Variants in HEG1 observed in about 807,000 individuals in gnomAD.
HEG1 encodes the protein protein HEG homolog 1.
A neutral mutation model predicts 125.6 loss-of-function variants in HEG1; 56 were observed. The observed-to-expected ratio is 0.45, with a 90% CI of 0.36 to 0.56. The LOEUF (loss-of-function observed/expected upper bound fraction) is 0.56. HEG1 is among the 20% of genes least tolerant of loss of function. The pLI is 0.00. For missense variants in HEG1, 1,523 were observed against 1,670.0 expected, an observed-to-expected ratio of 0.91 and a Z score of 1.53; for synonymous variants, 644 against 668.5, an observed-to-expected ratio of 0.96 and a Z score of 0.57.
chr3:124,985,067 A>G (rs1349295278), intron 14 of HEG1, among the ~76,000 whole-genome samples: 1 of 152,218 alleles, frequency 6.6e-6, no homozygotes, highest in East Asian at 1.9e-4. Context: ...TCTCTGGAAA[A>G]ATATATAATA....
In HEG1 at chr3:125,055,687, C is replaced by A; in HGVS notation, c.204G>T (p.Pro68=). 1 of 1,115,146 alleles carries A rather than the reference C, an allele frequency of 9.0e-7. No homozygotes were observed. Among genetic ancestry groups the A allele is most frequent in the Non-Finnish European group, 1.1e-6 (1 of 914,440 alleles). The allele number at this position is 1,115,146 out of a possible 1,614,324, so 69.1% of individuals were successfully genotyped here. A position where few individuals can be genotyped will look rare whatever the true frequency, so the allele number is the denominator to read the frequency against. Residue 68 remains proline, a synonymous_variant, in exon 1 of 17, where the codon CCG becomes CCT. Coordinates refer to ENST00000311127, the MANE Select transcript of HEG1 (RefSeq NM_020733.2). The stretch of plus-strand genomic sequence containing the variant: ...TCGCGGGCCCGCGGCGCTCCCGGGG[C>A]GGCGTGGGCGGCGGCTCGCGCTCCG... ...RRPEREPPPT[P]PRERRGPATP...
intron 1 of HEG1, among the ~76,000 whole-genome samples, chr3:125,046,412 C>G (rs890116443): frequency 5.5e-4 from 78 of 141,864 alleles, no homozygotes; most frequent in Middle Eastern, 3.4e-3. Context: ...CACACACACA[C>G]ACACACACAC....
At chr3:125,037,018 T>G (rs1937553702) in intron 1 of HEG1, among the ~76,000 whole-genome samples, 1 of 152,184 alleles carries the variant, frequency 6.6e-6, no homozygotes, top group South Asian at 2.1e-4. Context: ...ATCACAGAAT[T>G]GTTTATAATA....
intron 15 of HEG1, among the ~76,000 whole-genome samples, chr3:124,977,211 G>C (rs1397384968): frequency 6.6e-6 from 1 of 152,160 alleles, no homozygotes; most frequent in South Asian, 2.1e-4. Context: ...GGCTTCCCCA[G>C]CCACTTGGAA....
chr3:125,001,796 C>G, intron 11 of HEG1, 56 bp downstream of exon 11: 1 of 1,568,084 alleles, frequency 6.4e-7, no homozygotes, highest in South Asian at 1.2e-5. Context: ...GCATTTCCAT[C>G]TTAGGTCTGT....
chr3:124,976,371 G>A (rs762009783), intron 15 of HEG1, among the ~76,000 whole-genome samples: 4 of 152,052 alleles, frequency 2.6e-5, no homozygotes, highest in South Asian at 4.2e-4. Context: ...TATTTTTGGC[G>A]GAGACAGGGT....
chr3:124,988,866 G>A lies in HEG1; in HGVS notation c.3733+1921C>T, dbSNP rs148515515. ...CAGGAGGCGGAGGTTGCAGTGAGCC[G>A]AGATCGTGCCACTGAACTCCAGCCT... is the stretch of plus-strand genomic sequence containing the variant. On this transcript the variant is annotated intron_variant, in intron 14 of 16. Coordinates refer to ENST00000311127, the MANE Select transcript of HEG1 (RefSeq NM_020733.2). Among the ~76,000 whole-genome samples the A allele has an allele frequency of 9.5e-3, 1,449 of 152,282 alleles. 10 individuals are homozygous for A. Among genetic ancestry groups the A allele is most frequent in the Middle Eastern group, 0.02 (6 of 294 alleles).
At chr3:124,972,995 G>T (rs780496099) in intron 16 of HEG1, among the ~76,000 whole-genome samples, 44 of 149,020 alleles carry the variant, frequency 3.0e-4, no homozygotes, top group African/African-American at 6.2e-4. Context: ...TGGTTTTTTT[G>T]TTGTTGTTGT....
At chr3:124,973,107 TG>T (rs760368973) in intron 16 of HEG1, among the ~76,000 whole-genome samples, 9 of 151,914 alleles carry the variant, frequency 5.9e-5, no homozygotes, top group Non-Finnish European at 1.2e-4. Flanking sequence ...CTGCAACCTC[TG>T]CCTCCCCAAC....
At chr3:124,973,076 C>T (rs932303769) in intron 16 of HEG1, among the ~76,000 whole-genome samples, 9 of 151,678 alleles carry the variant, frequency 5.9e-5, no homozygotes, top group Non-Finnish European at 1.0e-4. Flanking sequence ...GGCTGGAGTA[C>T]AGTGGTGCAA....
rs1452704683 is a variant in HEG1 at position 125,010,493 on chromosome 3, G to A, written c.3019C>T (p.Arg1007Cys). The part of the protein sequence containing the change: ...NGECVADNTS[R>C]GYHCRCPPSW... The stretch of plus-strand genomic sequence containing the variant: ...GGCGGGCACCTGCAGTGGTAGCCAC[G>A]GCTGGTGTTGTCTGCGACGCATTCG... The change falls in exon 7 of 17, where the codon CGT becomes TGT. Residue 1007 changes from arginine to cysteine, a missense_variant. Physicochemically the swap from Arg to Cys is radical, Grantham distance 180 (BLOSUM62 -3). Transcript: ENST00000311127. 2.3e-5 allele frequency: 36 copies of A among 1,560,358 alleles called. No individual in the cohort carries two copies. The highest frequency in any genetic ancestry group is 9.5e-5 in the Admixed American group (5 of 52,360).
At chr3:125,001,461 G>A (rs902916231) in intron 11 of HEG1, among the ~76,000 whole-genome samples, 1 of 151,806 alleles carries the variant, frequency 6.6e-6, no homozygotes, top group Admixed American at 6.6e-5. Context: ...GGTTTTTTTG[G>A]GTCATTGACA....
Position 125,013,588 on chromosome 3 carries a change from G to C in HEG1, c.1991C>G (p.Ser664Cys), listed in dbSNP as rs777543386. The stretch of plus-strand genomic sequence containing the variant: ...TGAAGAAGAAGAAGAGGAGGAGGAG[G>C]AAGAGGAGGAGGAGGAGTCACTAAC... ...EFVSDSSSSS[S>C]SSSSSSSSGP... is the part of the protein sequence containing the mutation. The change falls in exon 6 of 17, where the codon TCC becomes TGC. Residue 664 changes from serine to cysteine, a missense_variant. Physicochemically the swap from Ser to Cys is moderately radical, Grantham distance 112 (BLOSUM62 -1). Transcript: ENST00000311127. 6.3e-7 allele frequency: 1 copy of C among 1,593,620 alleles called. No homozygotes were observed. Among genetic ancestry groups the C allele is most frequent in the Non-Finnish European group, 8.6e-7 (1 of 1,168,878 alleles).
In HEG1 at chr3:125,009,839, A is replaced by G. The variant is rs1560023932; in HGVS notation, c.3074-15T>C. On this transcript the variant is annotated splice_polypyrimidine_tract_variant and intron_variant, in intron 7 of 16. Coordinates refer to ENST00000311127, the MANE Select transcript of HEG1 (RefSeq NM_020733.2). ...CTCATTCACATCTGTAGAGGAGAAA[A>G]AAGAAGAACATCTTGCATCTGTAGC... is the stretch of plus-strand genomic sequence containing the variant. The G allele has an allele frequency of 6.2e-7, 1 of 1,604,392 alleles. No homozygotes were observed. Among genetic ancestry groups the G allele is most frequent in the Non-Finnish European group, 8.5e-7 (1 of 1,173,870 alleles).
rs74942386 is a variant in HEG1, at chr3:125,006,142, A to G, written c.3194-774T>C. Among the ~76,000 whole-genome samples, 1,291 of 152,324 alleles carry G rather than the reference A, an allele frequency of 8.5e-3. 13 individuals carry two copies. The highest frequency in any genetic ancestry group is 0.012 in the Non-Finnish European group (831 of 68,030). On this transcript the variant is annotated intron_variant, in intron 8 of 16. Coordinates refer to ENST00000311127, the MANE Select transcript of HEG1 (RefSeq NM_020733.2). Reference sequence around the variant, plus strand: ...GGGACTTGAGAGAAAGAAAGGTGCCAAGCATGTGTCGTGGGGCTATACTCC... The same window carrying G: ...GGGACTTGAGAGAAAGAAAGGTGCCGAGCATGTGTCGTGGGGCTATACTCC...
In HEG1 at chr3:124,973,813, T is replaced by A; in HGVS notation, c.3914A>T (p.Gln1305Leu). The A allele has an allele frequency of 6.2e-7, 1 of 1,613,928 alleles. No individual in the cohort carries two copies. ...YAEYPKNPRS[Q>L]EWGREAIEMH... ...TTCAATAGCTTCTCGGCCCCATTCT[T>A]GTGAGCGAGGATTTTTGGGGTATTC... Residue 1305 changes from glutamine to leucine, a missense_variant, in exon 16 of 17, where the codon CAA (glutamine) becomes CTA (leucine). By Grantham distance (113) the Gln-to-Leu change is moderately radical. Transcript: ENST00000311127.
chr3:125,033,777 G>A lies in HEG1; in HGVS notation c.317-4289C>T, dbSNP rs75719199. On this transcript the variant is annotated intron_variant, in intron 1 of 16. Coordinates refer to ENST00000311127, the MANE Select transcript of HEG1 (RefSeq NM_020733.2). The stretch of plus-strand genomic sequence containing the variant: ...GGCTGCACAGGAGGAGGTGAGCAGT[G>A]GGCGAGCGAGCATTACCGCCTCAGC... Among the ~76,000 whole-genome samples, 66 of 152,348 alleles carry A rather than the reference G, an allele frequency of 4.3e-4. No individual in the cohort carries two copies. The East Asian group carries it at 0.013, about 29-fold the overall frequency.
chr3:125,004,372 T>C (rs1320318350), intron 9 of HEG1, among the ~76,000 whole-genome samples: 1 of 152,198 alleles, frequency 6.6e-6, no homozygotes, highest in Non-Finnish European at 1.5e-5. Context: ...ACTCACTGTA[T>C]AGATGAGTCA....
chr3:124,999,706 C>A lies in HEG1; in HGVS notation c.3518-1883G>T, dbSNP rs115916637. On this transcript the variant is annotated intron_variant, in intron 11 of 16. Transcript: ENST00000311127. ...AAAGAATATTCTACCATAAATTCAT[C>A]CAATAGGACCACGTAGAATCCCATT... 1.3e-3 allele frequency among the ~76,000 whole-genome samples: 204 copies of A among 152,366 alleles called. 1 individual carries two copies. Among genetic ancestry groups the A allele is most frequent in the Non-Finnish European group, 2.2e-3 (149 of 68,032 alleles).
Sources: allele counts gnomAD v4.1 joint callset (sites outside exome capture counted in the v4.1 genomes callset), GRCh38; gene constraint gnomAD v4.1.1; transcripts MANE v1.5; gene names NCBI Gene and HGNC (gene_info 2026-07-23, HGNC 2026-07-21).